TSPOAP1: variants seen among roughly 807,000 people sequenced by gnomAD.
TSPOAP1 encodes peripheral-type benzodiazepine receptor-associated protein 1.
TSPOAP1 carries 87 observed loss-of-function variants against 197.0 expected under a neutral mutation model. That is an observed-to-expected ratio of 0.44 (90% CI 0.37 to 0.53). TSPOAP1 has a LOEUF of 0.53. Among genes scored for constraint, TSPOAP1 ranks in the 20% least tolerant of loss-of-function variants. The pLI is 0.00. For synonymous variants in TSPOAP1, 913 were observed against 998.9 expected, an observed-to-expected ratio of 0.91 and a Z score of 1.62; for missense variants, 2,174 against 2,411.3, an observed-to-expected ratio of 0.90 and a Z score of 2.06.
chr17:58,316,692 G>C (rs1971247415), intron 14 of TSPOAP1, 152 bp from the exon 15 acceptor site: 1 of 618,786 alleles, frequency 1.6e-6, no homozygotes, highest in Non-Finnish European at 2.8e-6. Context: ...AGGACCCCCT[G>C]ATGCTCTCTA....
At chr17:58,315,381 A>G (rs1462762169) in intron 16 of TSPOAP1, among the ~76,000 whole-genome samples, 1 of 152,034 alleles carries the variant, frequency 6.6e-6, no homozygotes, top group Admixed American at 6.5e-5. Context: ...CTGCTGATGG[A>G]CTCAGCCTGG....
intron 16 of TSPOAP1, among the ~76,000 whole-genome samples, chr17:58,315,767 A>G (rs72839992): frequency 0.024 from 3,617 of 152,226 alleles, 47 homozygotes; most frequent in Middle Eastern, 0.031. Flanking sequence ...CATCTGGACT[A>G]TGCTGTCCTG....
In TSPOAP1 at chr17:58,304,508, T is replaced by G; in HGVS notation, c.5545-109A>C. The G allele has an allele frequency of 1.2e-6, 1 of 855,300 alleles. No homozygotes were observed. Among genetic ancestry groups the G allele is most frequent in the Non-Finnish European group, 2.0e-6 (1 of 499,466 alleles). The allele number at this position is 855,300 out of a possible 1,614,324, so 53.0% of individuals were successfully genotyped here. On this transcript the variant is annotated intron_variant, in intron 30 of 31. Transcript: ENST00000343736. The surrounding 1 kb of genome is among the most constrained non-coding windows in gnomAD (Gnocchi z 4.2). ...GGGTGGGCCCTACTCTCCAAGGCCT[T>G]TGTGTTCACACATGGAAGCCCTGAG...
At chr17:58,316,381 A>G (rs1478029503) in intron 15 of TSPOAP1, 44 bp downstream of exon 15, 3 of 1,553,950 alleles carry the variant, frequency 1.9e-6, no homozygotes, top group Non-Finnish European at 2.6e-6. Flanking sequence ...CTATACCCCA[A>G]ATGCTGGGGC....
Position 58,319,186 on chromosome 17 carries a change from G to A in TSPOAP1, c.1603C>T (p.Leu535Phe). ...FRLHPGPLDL[L>F]TSALDCGSLG... ...CTCCCACAGTCCAGGGCAGATGTGA[G>A]CAGATCCAAGGGGCCCGGGTGCAGG... Residue 535 changes from leucine (L) to phenylalanine (F), a missense_variant, in exon 13 of 32, where the codon CTC becomes TTC. Physicochemically the swap from Leu to Phe is conservative, Grantham distance 22. This residue lies in a region of TSPOAP1 where 1,933 missense variants were observed against 2,139.0 expected (regional missense o/e 0.90). Transcript: ENST00000343736. 1 of 1,579,038 alleles carries A rather than the reference G, an allele frequency of 6.3e-7. No individual in the cohort carries two copies. The highest frequency in any genetic ancestry group is 1.3e-5 in the African/African-American group (1 of 74,186).
At chr17:58,319,719 C>T (rs1296815421) in intron 12 of TSPOAP1, among the ~76,000 whole-genome samples, 2 of 152,248 alleles carry the variant, frequency 1.3e-5, no homozygotes, top group Non-Finnish European at 2.9e-5. Context: ...GAGAGGCGGG[C>T]AGGAAATTCC....
At chr17:58,316,358 A>G in intron 15 of TSPOAP1, 67 bp downstream of exon 15, 4 of 1,432,200 alleles carry the variant, frequency 2.8e-6, no homozygotes, top group Non-Finnish European at 3.9e-6. Flanking sequence ...CTCCAGCTCC[A>G]CCCGGCCCCC....
Position 58,323,674 on chromosome 17 carries a change from G to A in TSPOAP1, c.943-129C>T. ...CCAGCAAGAGATCCCTGCCTAGCAA[G>A]AGCAAAGAGGGGTACTGTCTGCCCA... On this transcript the variant is annotated intron_variant, in intron 5 of 31. Coordinates refer to ENST00000343736, the MANE Select transcript of TSPOAP1 (RefSeq NM_004758.4). 3.3e-6 allele frequency: 3 copies of A among 907,340 alleles called. 1 individual carries two copies. The highest frequency in any genetic ancestry group is 3.3e-5 in the African/African-American group (2 of 59,706). 56.2% of individuals were successfully genotyped at this position (907,340 alleles called of 1,614,324 possible). A position where few individuals can be genotyped will look rare whatever the true frequency, so the allele number is the denominator to read the frequency against.
intron 20 of TSPOAP1, 99 bp from the exon 21 acceptor site, chr17:58,310,257 G>T (rs1971039355): frequency 7.6e-7 from 1 of 1,309,176 alleles, no homozygotes; most frequent in Non-Finnish European, 1.0e-6. Context: ...AGGGTCCTTT[G>T]GCAGAGGGAG....
chr17:58,324,298 C>T lies in TSPOAP1; in HGVS notation c.942+513G>A, dbSNP rs1324051910. ...ACCCTTAAGTTCTGGGGGTCCTAAG[C>T]GGGTCCCTGGCCCTCGAGACAGGGG... is the stretch of plus-strand genomic sequence containing the variant. On this transcript the variant is annotated intron_variant, in intron 5 of 31. Coordinates refer to ENST00000343736, the MANE Select transcript of TSPOAP1 (RefSeq NM_004758.4). This position sits in a 1 kb window ranked among gnomAD's most constrained non-coding sequence, Gnocchi z 5.8. Among the ~76,000 whole-genome samples the T allele has an allele frequency of 2.0e-5, 3 of 152,152 alleles. No individual in the cohort carries two copies. The highest frequency in any genetic ancestry group is 4.4e-5 in the Non-Finnish European group (3 of 67,996).
chr17:58,322,684 G>GCT lies in TSPOAP1; in HGVS notation c.1285_1286dup (p.Ser429ArgfsTer11), dbSNP rs1292345156. The GCT allele has an allele frequency of 6.2e-7, 1 of 1,610,778 alleles. No homozygotes were observed. Among genetic ancestry groups the GCT allele is most frequent in the African/African-American group, 1.3e-5 (1 of 74,774 alleles). On this transcript the variant is annotated frameshift_variant, in exon 9 of 32. Coordinates refer to ENST00000343736, the MANE Select transcript of TSPOAP1 (RefSeq NM_004758.4). LOFTEE classifies it high-confidence loss of function. This position sits in a 1 kb window ranked among gnomAD's most constrained non-coding sequence, Gnocchi z 5.0. Reference sequence around the variant, plus strand: ...GCACTTGCTCCAGGCTCTCCAGCTTGCTCTGCAGGCCCTGGCTCTTGCGAA... The same window carrying GCT: ...GCACTTGCTCCAGGCTCTCCAGCTTGCTCTCTGCAGGCCCTGGCTCTTGCGAA...
In TSPOAP1 at chr17:58,322,355, G is replaced by T; in HGVS notation, c.1375C>A (p.Arg459=). 1 of 1,605,646 alleles carries T rather than the reference G, an allele frequency of 6.2e-7. No individual in the cohort carries two copies. Among genetic ancestry groups the T allele is most frequent in the South Asian group, 1.1e-5 (1 of 91,082 alleles). The change falls in exon 10 of 32, where the codon CGG becomes AGG. Residue 459 remains arginine (R), a synonymous_variant. Transcript: ENST00000343736. This position sits in a 1 kb window ranked among gnomAD's most constrained non-coding sequence, Gnocchi z 5.0. ...QQLEVEHEQA[R]LSLREKQEEV... ...TCCTGCTTCTCCCGTAGGCTGAGCC[G>T]AGCCTGTTCATGCTCCACCTCCAGC...
In TSPOAP1 at chr17:58,324,959, A is replaced by AGCAGCCGATCGAAGTCCC; in HGVS notation, c.776_793dup (p.Arg259_Leu264dup). ...CAGCACCTCCCGCTGGGACTCGCGC[A>AGCAGCCGATCGAAGTCCC]GCAGCCGATCGAAGTCCCGCACGTG... On this transcript the variant is annotated inframe_insertion, in exon 5 of 32. Coordinates refer to ENST00000343736, the MANE Select transcript of TSPOAP1 (RefSeq NM_004758.4). The surrounding 1 kb of genome is among the most constrained non-coding windows in gnomAD (Gnocchi z 5.8). 1 of 1,540,074 alleles carries AGCAGCCGATCGAAGTCCC rather than the reference A, an allele frequency of 6.5e-7. No individual in the cohort carries two copies. Among genetic ancestry groups the AGCAGCCGATCGAAGTCCC allele is most frequent in the East Asian group, 2.4e-5 (1 of 40,826 alleles).
chr17:58,325,215 C>T (rs1023381838), intron 4 of TSPOAP1, among the ~76,000 whole-genome samples: 2 of 152,206 alleles, frequency 1.3e-5, no homozygotes, highest in Non-Finnish European at 2.9e-5. Flanking sequence ...TAACTTATTT[C>T]TTGGGTGCTC....
rs886195687 is a variant in TSPOAP1 at position 58,301,751 on chromosome 17, TATAC to T, written c.*725_*728del. 4 of 154,720 alleles carry T rather than the reference TATAC, an allele frequency of 2.6e-5. No homozygotes were observed. Among genetic ancestry groups the T allele is most frequent in the African/African-American group, 9.7e-5 (4 of 41,428 alleles). 9.6% of individuals were successfully genotyped at this position (154,720 alleles called of 1,614,324 possible). ...GGAAGCTGAACTGAGGCACTGAGTATATACATATATACAGGCTCCGCCCGCCTGC... is the reference window on the plus strand; with the variant it reads ...GGAAGCTGAACTGAGGCACTGAGTATATATATACAGGCTCCGCCCGCCTGC... On this transcript the variant is annotated 3_prime_UTR_variant, in exon 32 of 32. Transcript: ENST00000343736.
At position 58,309,431 on chromosome 17, in the gene TSPOAP1, G is replaced by A. The variant is rs536297414; in HGVS notation, c.3892-51C>T. 5.5e-5 allele frequency: 85 copies of A among 1,551,522 alleles called. No homozygotes were observed. The highest frequency in any genetic ancestry group is 9.5e-5 in the African/African-American group (7 of 73,938). ...AGAACACAGCAGGGAAGAGAGATGC[G>A]TGGGGAAGAGGAGAGCGAGCTGCGA... On this transcript the variant is annotated intron_variant, in intron 21 of 31. Coordinates refer to ENST00000343736, the MANE Select transcript of TSPOAP1 (RefSeq NM_004758.4). This position sits in a 1 kb window ranked among gnomAD's most constrained non-coding sequence, Gnocchi z 5.0.
At position 58,307,489 on chromosome 17, in the gene TSPOAP1, C is replaced by T. The variant is rs58337445; in HGVS notation, c.4983+122G>A. On this transcript the variant is annotated intron_variant, in intron 24 of 31. Transcript: ENST00000343736. ...AGCAGAGTCAGGTCCAAACCCATGTCATCTGCTCTAGAAGCCATGTTCTCC... is the reference window on the plus strand; with the variant it reads ...AGCAGAGTCAGGTCCAAACCCATGTTATCTGCTCTAGAAGCCATGTTCTCC... 1.4e-3 allele frequency: 1,908 copies of T among 1,323,134 alleles called. 12 individuals carry two copies. In the African/African-American group the frequency reaches 0.021, roughly 15 times the overall value. 82.0% of individuals were successfully genotyped at this position (1,323,134 alleles called of 1,614,324 possible). A position where few individuals can be genotyped will look rare whatever the true frequency, so the allele number is the denominator to read the frequency against.
intron 7 of TSPOAP1, 116 bp downstream of exon 7, chr17:58,323,182 G>A: frequency 3.4e-6 from 5 of 1,475,916 alleles, no homozygotes; most frequent in Non-Finnish European, 4.7e-6. Flanking sequence ...AGGAGCAGGA[G>A]GGAAAATGTG....
In TSPOAP1 at chr17:58,324,767, C is replaced by A; in HGVS notation, c.942+44G>T. 3.7e-6 allele frequency: 5 copies of A among 1,338,186 alleles called. No homozygotes were observed. The highest frequency in any genetic ancestry group is 1.8e-5 in the South Asian group (1 of 55,884). 82.9% of individuals were successfully genotyped at this position (1,338,186 alleles called of 1,614,324 possible). On this transcript the variant is annotated intron_variant, in intron 5 of 31. Transcript: ENST00000343736. This position sits in a 1 kb window ranked among gnomAD's most constrained non-coding sequence, Gnocchi z 5.8. ...AGATCCCGGTGGTCGTTCCCCCCACCCATCTGCACGCACCCACACACCTGC... is the reference window on the plus strand; with the variant it reads ...AGATCCCGGTGGTCGTTCCCCCCACACATCTGCACGCACCCACACACCTGC...
Sources: gnomAD v4.1 joint callset for allele counts (sites outside exome capture counted in the v4.1 genomes callset) on GRCh38, gnomAD v4.1.1 for gene constraint, gnomAD v4.1.1 regional missense constraint, Gnocchi (gnomAD v3.1) non-coding constraint, MANE v1.5 for transcripts, NCBI Gene and HGNC (gene_info 2026-07-23, HGNC 2026-07-21) for gene names.